The following TLK2 variants were observed in gnomAD, a reference collection of about 807,000 sequenced individuals.
TLK2 encodes the protein serine/threonine-protein kinase tousled-like 2.
Under a neutral mutation model 117.3 loss-of-function variants are expected in TLK2, and 6 were observed. That is an observed-to-expected ratio of 0.05 (90% CI 0.03 to 0.10). The LOEUF is 0.10. Among genes scored for constraint, TLK2 ranks in the 10% least tolerant of loss-of-function variants. The pLI, the probability that TLK2 is intolerant of heterozygous loss-of-function variation, is 1.00. For synonymous variants in TLK2, 257 were observed against 316.7 expected, an observed-to-expected ratio of 0.81 and a Z score of 2.00; for missense variants, 299 against 901.2, an observed-to-expected ratio of 0.33 and a Z score of 8.56.
At chr17:62,476,604 A>AAAATC (rs1282729810), upstream of TLK2, among the ~76,000 whole-genome samples, 2 of 151,434 alleles carry the variant, frequency 1.3e-5, no homozygotes, top group African/African-American at 2.4e-5. Context: ...AAAATAAAAT[A>AAAATC]AAATAAAAAG....
chr17:62,586,162 G>A lies in TLK2; in HGVS notation c.1396G>A (p.Val466Ile). 2 of 1,613,544 alleles carry A rather than the reference G, an allele frequency of 1.2e-6. No homozygotes were observed. The highest frequency in any genetic ancestry group is 1.7e-6 in the Non-Finnish European group (2 of 1,179,714). Residue 466 changes from valine to isoleucine, a missense_variant, in exon 16 of 22, where the codon GTA becomes ATA. Val to Ile is a conservative substitution (Grantham distance 29). Coordinates refer to ENST00000346027, the MANE Select transcript of TLK2 (RefSeq NM_006852.6). ...KAFDLTEQRY[V>I]AVKIHQLNKN... ...ATTTGATCTAACAGAGCAAAGATACGTAGCTGTGAAAATTCACCAGTTAAA... is the reference window on the plus strand; with the variant it reads ...ATTTGATCTAACAGAGCAAAGATACATAGCTGTGAAAATTCACCAGTTAAA...
At chr17:62,577,286 A>G (rs2080879059) in intron 13 of TLK2, among the ~76,000 whole-genome samples, 1 of 152,042 alleles carries the variant, frequency 6.6e-6, no homozygotes, top group East Asian at 1.9e-4. Context: ...TTTCAAGTCA[A>G]TTCCAGCAAC....
At chr17:62,528,425 G>A (rs2465434) in intron 6 of TLK2, among the ~76,000 whole-genome samples, 1 of 152,078 alleles carries the variant, frequency 6.6e-6, no homozygotes, top group African/African-American at 2.4e-5. Context: ...TTTAATTTAT[G>A]TTATTTTTGG....
intron 7 of TLK2, among the ~76,000 whole-genome samples, chr17:62,540,400 A>ATTTTTTTGTTTTTTTTTTTTTTT (rs2077439431): frequency 5.0e-5 from 1 of 19,990 alleles, no homozygotes; most frequent in Non-Finnish European, 2.2e-4. Context: ...TATGTTCAGA[A>ATTTTTTTGTTTTTTTTTTTTTTT]TTTTTTTTTT....
chr17:62,602,234 C>G (rs933693698), intron 19 of TLK2, 54 bp downstream of exon 19: 184 of 1,562,108 alleles, frequency 1.2e-4, no homozygotes, highest in Non-Finnish European at 1.5e-4. Flanking sequence ...CTCTGCTATG[C>G]TGAAGTGTTG....
intron 12 of TLK2, 140 bp from the exon 13 acceptor site, chr17:62,576,569 A>G: frequency 3.1e-6 from 2 of 638,762 alleles, no homozygotes; most frequent in Non-Finnish European, 5.6e-6. Flanking sequence ...TTGTCAGAGG[A>G]CTACAAGATA....
chr17:62,495,872 C>T (rs527943626), intron 2 of TLK2, among the ~76,000 whole-genome samples: 28 of 151,664 alleles, frequency 1.8e-4, no homozygotes, highest in Middle Eastern at 6.8e-3. Context: ...CCATGTTGCC[C>T]AGGCTTTGGT....
At chr17:62,537,042 CAGAA>C (rs1384733929) in intron 7 of TLK2, among the ~76,000 whole-genome samples, 1 of 152,214 alleles carries the variant, frequency 6.6e-6, no homozygotes, top group Non-Finnish European at 1.5e-5. Flanking sequence ...GCCAGAGTAA[CAGAA>C]AGCCCCGTCG....
chr17:62,537,328 A>G (rs994393609), intron 7 of TLK2, among the ~76,000 whole-genome samples: 11 of 152,248 alleles, frequency 7.2e-5, no homozygotes, highest in African/African-American at 2.4e-4. Context: ...GTTTTCTTAT[A>G]GTTATGATAG....
chr17:62,596,173 G>A (rs2082466600), intron 16 of TLK2, among the ~76,000 whole-genome samples: 1 of 152,122 alleles, frequency 6.6e-6, no homozygotes, highest in Non-Finnish European at 1.5e-5. Context: ...CAACTCCTGG[G>A]TTCAAGTGAC....
intron 11 of TLK2, among the ~76,000 whole-genome samples, chr17:62,566,561 C>T (rs1458515863): frequency 6.6e-6 from 1 of 152,074 alleles, no homozygotes; most frequent in Non-Finnish European, 1.5e-5. Flanking sequence ...TTTTCTTAGG[C>T]CGGCACCAGA....
chr17:62,612,346 G>C (rs759593943), intron 21 of TLK2, 46 bp from the exon 22 acceptor site: 5 of 1,589,508 alleles, frequency 3.1e-6, no homozygotes, highest in Non-Finnish European at 4.3e-6. Context: ...CCCTCCAGGG[G>C]TGCCAAGACT....
rs115539398 is a variant in TLK2, at chr17:62,473,034, C to A, written c.-205+1956C>A. Among the ~76,000 whole-genome samples the A allele has an allele frequency of 5.7e-3, 872 of 152,294 alleles. 8 individuals carry two copies. Among genetic ancestry groups the A allele is most frequent in the African/African-American group, 0.02 (831 of 41,564 alleles). ...AATAACAAACAGCCAAGCCCCCAAC[C>A]CACTCTCATTTTATTCCCTTGGTTC... On this transcript the variant is annotated intron_variant, in intron 1 of 4. Transcript: ENST00000579450.
chr17:62,602,380 T>C (rs1346930755), intron 19 of TLK2, among the ~76,000 whole-genome samples, 200 bp downstream of exon 19: 2 of 152,254 alleles, frequency 1.3e-5, no homozygotes, highest in Non-Finnish European at 2.9e-5. Flanking sequence ...AATTTTTCTT[T>C]CCTTTCTTGA....
At chr17:62,569,802 G>T (rs2146543759) in intron 11 of TLK2, among the ~76,000 whole-genome samples, 1 of 152,182 alleles carries the variant, frequency 6.6e-6, no homozygotes, top group Non-Finnish European at 1.5e-5. Context: ...GCTGCTGAAG[G>T]TACCCGCATT....
chr17:62,588,642 G>T (rs929768791), intron 16 of TLK2, among the ~76,000 whole-genome samples: 1 of 151,924 alleles, frequency 6.6e-6, no homozygotes, highest in Non-Finnish European at 1.5e-5. Context: ...TTGGGCAGCT[G>T]GGGGGAGTTC....
intron 2 of TLK2, among the ~76,000 whole-genome samples, chr17:62,503,701 G>C (rs1046312347): frequency 2.0e-5 from 3 of 150,636 alleles, no homozygotes; most frequent in African/African-American, 7.3e-5. Context: ...TTACAGGCAT[G>C]AGCCACAGCA....
At chr17:62,583,948 C>G (rs2081400571) in intron 15 of TLK2, among the ~76,000 whole-genome samples, 1 of 152,092 alleles carries the variant, frequency 6.6e-6, no homozygotes, top group Non-Finnish European at 1.5e-5. Context: ...TTTTCTTTTG[C>G]TGTTCTCCAC....
At chr17:62,516,371 A>G (rs1598334462) in intron 2 of TLK2, 4 of 1,564,144 alleles carry the variant, frequency 2.6e-6, no homozygotes, top group Non-Finnish European at 3.5e-6. Flanking sequence ...CTAAACTAGA[A>G]TTCGGTTGCT....
Sources: gnomAD v4.1 joint callset for allele counts (sites outside exome capture counted in the v4.1 genomes callset) on GRCh38, gnomAD v4.1.1 for gene constraint, MANE v1.5 for transcripts, NCBI Gene and HGNC (gene_info 2026-07-23, HGNC 2026-07-21) for gene names.